The following ERLIN2 variants were observed in gnomAD, a reference collection of about 807,000 sequenced individuals.
ERLIN2 encodes erlin-2.
In ERLIN2, 22 loss-of-function variants were observed where a neutral mutation model predicts 41.5. The ratio of observed to expected loss-of-function variants is 0.53; its 90% CI spans 0.38 to 0.76. The LOEUF (loss-of-function observed/expected upper bound fraction) is 0.76. Ranked by LOEUF, ERLIN2 falls within the 30% of genes least tolerant of loss-of-function variation. The probability of loss-of-function intolerance (pLI) is 0.00; values close to 1 mark genes in which losing one functional copy is unlikely to be tolerated. For synonymous variants in ERLIN2, 149 were observed against 150.9 expected, an observed-to-expected ratio of 0.99 and a Z score of 0.09; for missense variants, 247 against 414.3, an observed-to-expected ratio of 0.60 and a Z score of 3.51.
chr8:37,738,060 T>A, intron 2 of ERLIN2, 31 bp downstream of exon 2: 1 of 1,613,210 alleles, frequency 6.2e-7, no homozygotes, highest in Non-Finnish European at 8.5e-7. Flanking sequence ...AGCCGGCAAC[T>A]TCCTGTTAAA....
intron 10 of ERLIN2, among the ~76,000 whole-genome samples, chr8:37,752,866 T>G (rs1430832802): frequency 6.6e-6 from 1 of 152,256 alleles, no homozygotes; most frequent in East Asian, 1.9e-4. Flanking sequence ...TCGCGCCAGC[T>G]TAATCACTGT....
chr8:37,749,494 C>A, intron 6 of ERLIN2, 65 bp from the exon 7 acceptor site: 1 of 1,111,460 alleles, frequency 9.0e-7, no homozygotes, highest in Non-Finnish European at 1.4e-6. Flanking sequence ...CACTTTACCT[C>A]ATCCTGCCCT....
chr8:37,752,754 C>G (rs1238772458), intron 10 of ERLIN2, among the ~76,000 whole-genome samples: 1 of 152,198 alleles, frequency 6.6e-6, no homozygotes, highest in African/African-American at 2.4e-5. Context: ...AAGCTAGTCT[C>G]AGAGCTGATT....
Position 37,758,003 on chromosome 8 carries a change from A to G in ERLIN2, c.*3888A>G, listed in dbSNP as rs1803396948. 1 of 152,254 alleles carries G rather than the reference A, an allele frequency of 6.6e-6. No homozygotes were observed. The highest frequency in any genetic ancestry group is 1.5e-5 in the Non-Finnish European group (1 of 68,036). The allele number at this position is 152,254 out of a possible 1,614,324, so 9.4% of individuals were successfully genotyped here. ...CCAGCTTAGGGTTGCCAGATAAAAC[A>G]TAAGATACCTAGTTAAATATGAATT... On this transcript the variant is annotated 3_prime_UTR_variant, in exon 12 of 12. Coordinates refer to ENST00000519638, the MANE Select transcript of ERLIN2 (RefSeq NM_007175.8).
chr8:37,751,544 C>G (rs1045070629), intron 9 of ERLIN2, 82 bp from the exon 10 acceptor site: 1 of 1,228,854 alleles, frequency 8.1e-7, no homozygotes, highest in Non-Finnish European at 1.2e-6. Flanking sequence ...GCTGGCCCAC[C>G]AGGACACTCA....
At position 37,754,223 on chromosome 8, in the gene ERLIN2, A is replaced by G; in HGVS notation, c.*108A>G. 1.2e-6 allele frequency: 1 copy of G among 868,570 alleles called. No homozygotes were observed. The highest frequency in any genetic ancestry group is 1.4e-5 in the South Asian group (1 of 69,866). 53.8% of individuals were successfully genotyped at this position (868,570 alleles called of 1,614,324 possible). On this transcript the variant is annotated 3_prime_UTR_variant, in exon 12 of 12. Transcript: ENST00000519638. ...TACCTTCTCTGACTGTCTTCCAGTT[A>G]CTGTGGTGAAAAAGAAGAAATGAAC...
chr8:37,738,130 T>G, intron 2 of ERLIN2, 101 bp downstream of exon 2: 1 of 1,395,542 alleles, frequency 7.2e-7, no homozygotes, highest in East Asian at 2.3e-5. Context: ...TCTATTTATA[T>G]TTCCTTGAAT....
At chr8:37,746,004 A>T in intron 6 of ERLIN2, 1 of 1,012,212 alleles carries the variant, frequency 9.9e-7, no homozygotes, top group African/African-American at 1.7e-5. Flanking sequence ...GTTGTTTTTC[A>T]TTAGCAAACT....
intron 4 of ERLIN2, among the ~76,000 whole-genome samples, chr8:37,742,495 C>T (rs1457616261): frequency 5.2e-3 from 1 of 192 alleles, no homozygotes; most frequent in Non-Finnish European, 9.8e-3. Flanking sequence ...AAGATCATGT[C>T]CTTTGCACGG....
At chr8:37,752,101 G>C (rs1803230875) in intron 10 of ERLIN2, among the ~76,000 whole-genome samples, 1 of 152,228 alleles carries the variant, frequency 6.6e-6, no homozygotes, top group African/African-American at 2.4e-5. Context: ...CTGCTCCAAA[G>C]TTGGTCAGTG....
At chr8:37,740,058 C>A (rs1158397905) in intron 2 of ERLIN2, among the ~76,000 whole-genome samples, 2 of 152,182 alleles carry the variant, frequency 1.3e-5, no homozygotes, top group African/African-American at 4.8e-5. Context: ...ATGCAATCCT[C>A]TCACCTCAGC....
chr8:37,752,693 G>A (rs368917722), intron 10 of ERLIN2, among the ~76,000 whole-genome samples: 2 of 152,142 alleles, frequency 1.3e-5, no homozygotes, highest in African/African-American at 2.4e-5. Flanking sequence ...AGGCTGGCCC[G>A]TTCCCAAGAC....
Position 37,744,351 on chromosome 8 carries a change from ATAG to A in ERLIN2, c.237-2_237del. On this transcript the variant is annotated splice_acceptor_variant and splice_polypyrimidine_tract_variant and intron_variant, in intron 4 of 11. Transcript: ENST00000519638. LOFTEE classifies it high-confidence loss of function. ...TGACTTCTTGTCCATTCTCCCTCCA[ATAG>A]TGGTGGTGTGATGATCTACTTTGAC... 1 of 1,613,096 alleles carries A rather than the reference ATAG, an allele frequency of 6.2e-7. No homozygotes were observed. Among genetic ancestry groups the A allele is most frequent in the Non-Finnish European group, 8.5e-7 (1 of 1,179,142 alleles).
At chr8:37,740,048 A>C (rs112360090) in intron 2 of ERLIN2, among the ~76,000 whole-genome samples, 6,127 of 152,190 alleles carry the variant, frequency 0.04, 184 homozygotes, top group Non-Finnish European at 0.065. Flanking sequence ...TCCTGAGTTC[A>C]TGCAATCCTC....
chr8:37,755,323 G>A lies in ERLIN2; in HGVS notation c.*1208G>A, dbSNP rs887238287. ...AAAGGGTTTTCTTTTTCATTACTAG[G>A]TCAGAACATTTTGAGTCACCTTGGG... is the stretch of plus-strand genomic sequence containing the variant. On this transcript the variant is annotated 3_prime_UTR_variant, in exon 12 of 12. Transcript: ENST00000519638. The A allele has an allele frequency of 7.2e-5, 11 of 152,204 alleles. No individual in the cohort carries two copies. The highest frequency in any genetic ancestry group is 1.2e-4 in the Non-Finnish European group (8 of 68,056). The allele number at this position is 152,204 out of a possible 1,614,324, so 9.4% of individuals were successfully genotyped here.
intron 7 of ERLIN2, 63 bp downstream of exon 7, chr8:37,749,695 AT>A: frequency 6.4e-7 from 1 of 1,559,316 alleles, no homozygotes; most frequent in Non-Finnish European, 8.8e-7. Flanking sequence ...CTCCCAAGGG[AT>A]GTCCTTTTTG....
chr8:37,745,857 C>G, intron 6 of ERLIN2: 1 of 1,323,870 alleles, frequency 7.6e-7, no homozygotes, highest in Non-Finnish European at 9.6e-7. Flanking sequence ...TTTTTAACCT[C>G]AAACTAATAG....
At chr8:37,747,776 T>G (rs770376526) in intron 6 of ERLIN2, 1 of 1,612,544 alleles carries the variant, frequency 6.2e-7, no homozygotes. Context: ...CGCAGATACA[T>G]AGTCTCTTCG....
rs755996988 is a variant in ERLIN2, at chr8:37,749,786, C to G, written c.499-8C>G. 6.2e-7 allele frequency: 1 copy of G among 1,613,922 alleles called. No homozygotes were observed. Among genetic ancestry groups the G allele is most frequent in the Non-Finnish European group, 8.5e-7 (1 of 1,179,902 alleles). On this transcript the variant is annotated splice_region_variant and splice_polypyrimidine_tract_variant and intron_variant, in intron 7 of 11. Coordinates refer to ENST00000519638, the MANE Select transcript of ERLIN2 (RefSeq NM_007175.8). ...TTCCCATCAGCTGCTGTTTTAATCTCTCTCCAGGCTGTGCGGGTAACAAAG... is the reference window on the plus strand; with the variant it reads ...TTCCCATCAGCTGCTGTTTTAATCTGTCTCCAGGCTGTGCGGGTAACAAAG...
Sources: allele counts gnomAD v4.1 joint callset (sites outside exome capture counted in the v4.1 genomes callset), GRCh38; gene constraint gnomAD v4.1.1; transcripts MANE v1.5; gene names NCBI Gene and HGNC (gene_info 2026-07-23, HGNC 2026-07-21).